Variants in PRIM2 observed in about 807,000 individuals in gnomAD.
PRIM2 encodes the protein DNA primase subunit 2.
In PRIM2, 39 loss-of-function variants were observed where a neutral mutation model predicts 67.3. That is an observed-to-expected ratio of 0.58 (90% CI 0.45 to 0.76). The LOEUF (loss-of-function observed/expected upper bound fraction) is 0.76. Ranked by LOEUF, PRIM2 falls within the 30% of genes least tolerant of loss-of-function variation. The probability of loss-of-function intolerance (pLI) is 0.00; values close to 1 mark genes in which losing one functional copy is unlikely to be tolerated. For synonymous variants in PRIM2, 143 were observed against 198.7 expected, an observed-to-expected ratio of 0.72 and a Z score of 2.36; for missense variants, 398 against 598.7, an observed-to-expected ratio of 0.66 and a Z score of 3.50.
chr6:57,351,034 A>G (rs1230770906), intron 5 of PRIM2, among the ~76,000 whole-genome samples: 2 of 150,428 alleles, frequency 1.3e-5, no homozygotes, highest in East Asian at 3.9e-4. Flanking sequence ...GACATGTTAT[A>G]ATCTAGTATG....
At chr6:57,282,228 A>G in the PRIM2 span, among the ~76,000 whole-genome samples, 1 of 152,232 alleles carries the variant, frequency 6.6e-6, no homozygotes, top group South Asian at 2.1e-4. Context: ...TCTTGAGAAT[A>G]TCTTCTCCCT....
intron 7 of PRIM2, among the ~76,000 whole-genome samples, chr6:57,457,905 G>A (rs887210026): frequency 1.3e-5 from 2 of 152,202 alleles, no homozygotes; most frequent in African/African-American, 4.8e-5. Flanking sequence ...GACTGGAGCT[G>A]TTCCTATTCG....
intron 5 of PRIM2, among the ~76,000 whole-genome samples, chr6:57,344,985 A>G (rs1055615378): frequency 6.6e-6 from 1 of 151,768 alleles, no homozygotes; most frequent in African/African-American, 2.4e-5. Flanking sequence ...TCTCTTTTTT[A>G]AAGTTTTCAT....
intron 3 of PRIM2, 27 bp downstream of exon 3, chr6:57,320,587 C>T: frequency 6.9e-7 from 1 of 1,446,370 alleles, no homozygotes; most frequent in South Asian, 1.3e-5. Context: ...AAAAAAGTTC[C>T]TTCAGTTTCT....
At chr6:57,377,665 G>C (rs1251418033) in intron 5 of PRIM2, among the ~76,000 whole-genome samples, 1 of 151,618 alleles carries the variant, frequency 6.6e-6, no homozygotes, top group African/African-American at 2.4e-5. Flanking sequence ...GAATTTCAGG[G>C]GTTTCTTCCT....
intron 7 of PRIM2, among the ~76,000 whole-genome samples, chr6:57,462,460 G>A (rs34617272): frequency 2.0e-5 from 3 of 152,202 alleles, no homozygotes; most frequent in East Asian, 3.8e-4. Context: ...TTAGATAAAT[G>A]AGATTAATTA....
At chr6:57,582,284 G>A (rs1486988685) in intron 10 of PRIM2, among the ~76,000 whole-genome samples, 1 of 152,016 alleles carries the variant, frequency 6.6e-6, no homozygotes, top group Non-Finnish European at 1.5e-5. Context: ...ATTTCCTAAG[G>A]CTACAGATCA....
intron 7 of PRIM2, among the ~76,000 whole-genome samples, chr6:57,384,057 G>T (rs2127340334): frequency 1.3e-5 from 2 of 152,282 alleles, no homozygotes; most frequent in Middle Eastern, 6.8e-3. Flanking sequence ...CTTGCCCAAT[G>T]TTTCACCCCT....
the PRIM2 span, among the ~76,000 whole-genome samples, chr6:57,268,016 C>G: frequency 6.6e-6 from 1 of 152,108 alleles, no homozygotes; most frequent in Non-Finnish European, 1.5e-5. Context: ...ATCTACTCAG[C>G]ATTTTGCAGG....
intron 7 of PRIM2, among the ~76,000 whole-genome samples, chr6:57,420,015 A>C (rs1197593852): frequency 1.3e-5 from 2 of 152,156 alleles, no homozygotes; most frequent in African/African-American, 4.8e-5. Context: ...GCAGTGGTGG[A>C]TGTGAGCAGA....
chr6:57,467,536 G>C (rs1334501362), intron 7 of PRIM2, among the ~76,000 whole-genome samples: 1 of 152,168 alleles, frequency 6.6e-6, no homozygotes, highest in Non-Finnish European at 1.5e-5. Context: ...TAGCCGTATA[G>C]TATAGTTTGA....
chr6:57,545,399 A>C (rs1775269582), intron 10 of PRIM2, among the ~76,000 whole-genome samples: 1 of 152,084 alleles, frequency 6.6e-6, no homozygotes, highest in African/African-American at 2.4e-5. Flanking sequence ...AACAGCCCTT[A>C]TTTATGAAGA....
At chr6:57,266,807 C>T in the PRIM2 span, among the ~76,000 whole-genome samples, 6 of 152,078 alleles carry the variant, frequency 3.9e-5, no homozygotes, top group Non-Finnish European at 5.9e-5. Flanking sequence ...AATTTGGAAC[C>T]GATCTCTTTT....
At chr6:57,229,943 G>A in the PRIM2 span, among the ~76,000 whole-genome samples, 1 of 152,206 alleles carries the variant, frequency 6.6e-6, no homozygotes, top group South Asian at 2.1e-4. Flanking sequence ...CATGAGGGCT[G>A]CCTTTTCTAT....
At chr6:57,575,964 G>T (rs1245106260) in intron 10 of PRIM2, among the ~76,000 whole-genome samples, 1 of 152,098 alleles carries the variant, frequency 6.6e-6, no homozygotes, top group African/African-American at 2.4e-5. Flanking sequence ...TTTTAGTAGA[G>T]ATGGGGTTTC....
At chr6:57,429,320 G>A (rs1771742300) in intron 7 of PRIM2, among the ~76,000 whole-genome samples, 1 of 152,174 alleles carries the variant, frequency 6.6e-6, no homozygotes, top group Admixed American at 6.5e-5. Context: ...AGGGACTCTT[G>A]CTAGACCAAC....
chr6:57,249,742 C>CACAA, the PRIM2 span, among the ~76,000 whole-genome samples: 2 of 152,056 alleles, frequency 1.3e-5, no homozygotes, highest in Admixed American at 6.6e-5. Context: ...AACTGCGTCT[C>CACAA]ACAAACAAAC....
At chr6:57,388,280 TA>T (rs2127345010) in intron 7 of PRIM2, among the ~76,000 whole-genome samples, 1 of 152,228 alleles carries the variant, frequency 6.6e-6, no homozygotes, top group African/African-American at 2.4e-5. Flanking sequence ...TTTTGGAGGA[TA>T]AAAAAGGAAT....
chr6:57,390,934 T>C lies in PRIM2; in HGVS notation c.693+8766T>C, dbSNP rs1222097798. Among the ~76,000 whole-genome samples the C allele has an allele frequency of 5.9e-5, 9 of 152,336 alleles. No individual in the cohort carries two copies. The East Asian group carries it at 1.3e-3, about 23-fold the overall frequency. ...GGATTGCAAGGTTGAATGATAGTTC[T>C]GCTTTTAGCTCTTTGAGGAATCAGT... On this transcript the variant is annotated intron_variant, in intron 7 of 13. Transcript: ENST00000615550.
Sources: gnomAD v4.1 joint callset for allele counts (sites outside exome capture counted in the v4.1 genomes callset) on GRCh38, gnomAD v4.1.1 for gene constraint, MANE v1.5 for transcripts, NCBI Gene and HGNC (gene_info 2026-07-23, HGNC 2026-07-21) for gene names.